FAM135B: variants seen among roughly 807,000 people sequenced by gnomAD.
FAM135B encodes the protein protein FAM135B.
In FAM135B, 43 loss-of-function variants were observed where a neutral mutation model predicts 127.7. The ratio of observed to expected loss-of-function variants is 0.34; its 90% confidence interval spans 0.26 to 0.43. The LOEUF is 0.43. Ranked by LOEUF, FAM135B falls within the 20% of genes least tolerant of loss-of-function variation. FAM135B has a pLI of 1.00. For missense variants in FAM135B, 1,558 were observed against 1,725.6 expected, an observed-to-expected ratio of 0.90 and a Z score of 1.72; for synonymous variants, 670 against 665.1, an observed-to-expected ratio of 1.01 and a Z score of -0.11.
chr8:138,442,267 T>TATATATGC (rs1554694344), intron 1 of FAM135B, among the ~76,000 whole-genome samples: 2 of 86,762 alleles, frequency 2.3e-5, no homozygotes, highest in African/African-American at 8.9e-5. Flanking sequence ...TATATATATA[T>TATATATGC]ATATATATAT....
At chr8:138,420,323 G>C (rs902848050) in intron 1 of FAM135B, among the ~76,000 whole-genome samples, 2 of 151,752 alleles carry the variant, frequency 1.3e-5, no homozygotes, top group Admixed American at 6.6e-5. Flanking sequence ...CACCTCAAGA[G>C]ACTAATAATG....
At chr8:138,216,098 A>G (rs1420530069) in intron 7 of FAM135B, among the ~76,000 whole-genome samples, 1 of 152,314 alleles carries the variant, frequency 6.6e-6, no homozygotes, top group Admixed American at 6.5e-5. Context: ...CTGCACATGG[A>G]ACAATCTGAA....
At chr8:138,372,633 A>G (rs1033779057) in intron 1 of FAM135B, among the ~76,000 whole-genome samples, 2 of 152,328 alleles carry the variant, frequency 1.3e-5, no homozygotes, top group South Asian at 4.1e-4. Flanking sequence ...TGCAATAATT[A>G]AAACTATTAA....
At chr8:138,261,558 C>G (rs1479423983) in intron 4 of FAM135B, among the ~76,000 whole-genome samples, 3 of 152,182 alleles carry the variant, frequency 2.0e-5, no homozygotes, top group African/African-American at 7.2e-5. Flanking sequence ...CATTCCATTG[C>G]TAACTTTTCT....
At chr8:138,342,255 A>G (rs933050211) in intron 2 of FAM135B, among the ~76,000 whole-genome samples, 2 of 152,226 alleles carry the variant, frequency 1.3e-5, no homozygotes, top group Non-Finnish European at 2.9e-5. Flanking sequence ...CTCTCAAGGG[A>G]GTAATCCAGG....
At chr8:138,234,307 C>T (rs1034374850) in intron 7 of FAM135B, among the ~76,000 whole-genome samples, 6 of 152,110 alleles carry the variant, frequency 3.9e-5, no homozygotes, top group African/African-American at 7.2e-5. Context: ...AACAATATGG[C>T]GGCTTCTCAA....
At chr8:138,355,078 T>G (rs1005250016) in intron 2 of FAM135B, among the ~76,000 whole-genome samples, 1 of 152,054 alleles carries the variant, frequency 6.6e-6, no homozygotes, top group Non-Finnish European at 1.5e-5. Context: ...TTCTCATTGT[T>G]CAATTTCCAC....
chr8:138,299,410 T>C (rs1476569251), intron 3 of FAM135B, among the ~76,000 whole-genome samples: 2 of 152,108 alleles, frequency 1.3e-5, no homozygotes, highest in East Asian at 3.9e-4. Context: ...CAAACAACAA[T>C]GAGCCCAGCA....
At chr8:138,374,989 C>CAAT (rs917988659) in intron 1 of FAM135B, among the ~76,000 whole-genome samples, 1 of 143,200 alleles carries the variant, frequency 7.0e-6, no homozygotes, top group African/African-American at 2.7e-5. Context: ...AAATTAACAA[C>CAAT]AACAACAACA....
intron 3 of FAM135B, among the ~76,000 whole-genome samples, chr8:138,287,640 C>G (rs1444990731): frequency 6.6e-6 from 1 of 152,052 alleles, no homozygotes; most frequent in Non-Finnish European, 1.5e-5. Flanking sequence ...ACTGGCTTCC[C>G]CCAAACAGAC....
At chr8:138,358,717 T>C (rs1010451856) in intron 2 of FAM135B, among the ~76,000 whole-genome samples, 1 of 152,178 alleles carries the variant, frequency 6.6e-6, no homozygotes, top group African/African-American at 2.4e-5. Context: ...CATGACCTTT[T>C]ACTCTACTTA....
chr8:138,391,434 C>T (rs1832570039), intron 1 of FAM135B, among the ~76,000 whole-genome samples: 1 of 152,092 alleles, frequency 6.6e-6, no homozygotes, highest in South Asian at 2.1e-4. Context: ...ATCCACCAGC[C>T]TCACATAGAT....
chr8:138,152,491 G>A lies in FAM135B; in HGVS notation c.1984C>T (p.His662Tyr). The A allele has an allele frequency of 1.2e-6, 2 of 1,614,186 alleles. No homozygotes were observed. The highest frequency in any genetic ancestry group is 1.7e-6 in the Non-Finnish European group (2 of 1,180,044). The change falls in exon 13 of 20, where the codon CAC (histidine) becomes TAC (tyrosine). Residue 662 changes from histidine to tyrosine, a missense_variant. By Grantham distance (83) the His-to-Tyr change is moderately conservative (BLOSUM62 2). Around this residue, in one of 5 missense-constraint regions of FAM135B, gnomAD observed 923 missense variants for 865.3 expected, o/e 1.07. Transcript: ENST00000395297. Reference sequence around the variant, plus strand: ...GAGAGTTCCTCCTGCTCTTCTGTGTGAGAGTCCTTTAGGGAAGACCTAATA... The same window carrying A: ...GAGAGTTCCTCCTGCTCTTCTGTGTAAGAGTCCTTTAGGGAAGACCTAATA... ...LDIRSSLKDS[H>Y]TEEQEELSVL... is the part of the protein sequence containing the mutation.
Position 138,356,371 on chromosome 8 carries a change from C to G in FAM135B, c.77+11536G>C, listed in dbSNP as rs140017737. Among the ~76,000 whole-genome samples, 39 of 152,254 alleles carry G rather than the reference C, an allele frequency of 2.6e-4. No homozygotes were observed. In the East Asian group the frequency reaches 7.3e-3, roughly 29 times the overall value. Reference sequence around the variant, plus strand: ...AAGAATGAATTCTTTCAAGTGGCCACTTGCAGAACGTTCAAAACCAGGGCA... The same window carrying G: ...AAGAATGAATTCTTTCAAGTGGCCAGTTGCAGAACGTTCAAAACCAGGGCA... On this transcript the variant is annotated intron_variant, in intron 2 of 19. Transcript: ENST00000395297.
intron 1 of FAM135B, among the ~76,000 whole-genome samples, chr8:138,443,464 G>T (rs1232312466): frequency 2.0e-5 from 3 of 151,740 alleles, no homozygotes; most frequent in African/African-American, 7.3e-5. Context: ...GAAACCAAAA[G>T]CAAACAAAAA....
At chr8:138,163,871 G>C (rs879650978) in intron 12 of FAM135B, among the ~76,000 whole-genome samples, 2 of 152,070 alleles carry the variant, frequency 1.3e-5, no homozygotes, top group South Asian at 2.1e-4. Flanking sequence ...ACCCAGGCTG[G>C]AGTTCAGTGA....
intron 3 of FAM135B, among the ~76,000 whole-genome samples, chr8:138,287,064 T>A (rs1428558113): frequency 6.6e-6 from 1 of 152,186 alleles, no homozygotes; most frequent in African/African-American, 2.4e-5. Flanking sequence ...AACTTCAAAG[T>A]GTAAAATGTC....
Position 138,242,867 on chromosome 8 carries a change from A to C in FAM135B, c.669+75T>G. On this transcript the variant is annotated intron_variant, in intron 7 of 19. Coordinates refer to ENST00000395297, the MANE Select transcript of FAM135B (RefSeq NM_015912.4). The surrounding 1 kb of genome is among the most constrained non-coding windows in gnomAD (Gnocchi z 9.6). ...TCTGAAGGGGATGTTTCAAAGAAGC[A>C]TGAATCTCATAGAACATACACTCTG... 1 of 1,519,242 alleles carries C rather than the reference A, an allele frequency of 6.6e-7. No homozygotes were observed. Among genetic ancestry groups the C allele is most frequent in the Non-Finnish European group, 8.8e-7 (1 of 1,133,512 alleles). The allele number at this position is 1,519,242 out of a possible 1,614,324, so 94.1% of individuals were successfully genotyped here. A position where few individuals can be genotyped will look rare whatever the true frequency, so the allele number is the denominator to read the frequency against.
At chr8:138,495,223 T>C (rs1486795303) in intron 1 of FAM135B, among the ~76,000 whole-genome samples, 1 of 152,198 alleles carries the variant, frequency 6.6e-6, no homozygotes, top group African/African-American at 2.4e-5. Flanking sequence ...CCTGGTAAAC[T>C]GCAAGACTTG....
Sources: gnomAD v4.1 joint callset for allele counts (sites outside exome capture counted in the v4.1 genomes callset) on GRCh38, gnomAD v4.1.1 for gene constraint, gnomAD v4.1.1 regional missense constraint, Gnocchi (gnomAD v3.1) non-coding constraint, MANE v1.5 for transcripts, NCBI Gene and HGNC (gene_info 2026-07-23, HGNC 2026-07-21) for gene names.